The following MBD5 variants were observed in gnomAD, a reference collection of about 807,000 sequenced individuals.
MBD5 encodes the protein methyl-CpG binding domain protein 5, also known as methyl-CpG-binding domain protein 5.
Under a neutral mutation model 117.3 loss-of-function variants are expected in MBD5, and 13 were observed. The ratio of observed to expected loss-of-function variants is 0.11; its 90% CI spans 0.07 to 0.18. The LOEUF (loss-of-function observed/expected upper bound fraction) is 0.18, where lower values mean the gene tolerates loss of function less well. MBD5 is among the 10% of genes least tolerant of loss of function. The pLI is 1.00. For synonymous variants in MBD5, 727 were observed against 766.4 expected (o/e 0.95, Z 0.85); for missense variants, 1,879 against 2,093.8 (o/e 0.90, Z 2.00).
chr2:148,323,342 G>C (rs921528043), intron 3 of MBD5, among the ~76,000 whole-genome samples: 3 of 152,056 alleles, frequency 2.0e-5, no homozygotes, highest in South Asian at 4.2e-4. Context: ...ATGATTTATA[G>C]TCCTTTGGGT....
chr2:148,127,406 G>A (rs1365329675), intron 1 of MBD5, among the ~76,000 whole-genome samples: 1 of 152,036 alleles, frequency 6.6e-6, no homozygotes, highest in Non-Finnish European at 1.5e-5. Context: ...CTCATGACAG[G>A]CCCCAGTATG....
chr2:148,238,813 G>A (rs1475250084), intron 3 of MBD5, among the ~76,000 whole-genome samples: 1 of 152,036 alleles, frequency 6.6e-6, no homozygotes, highest in Non-Finnish European at 1.5e-5. Context: ...CATTCTCCCT[G>A]TGTGTCTGTT....
chr2:148,451,569 A>G (rs541774607), intron 4 of MBD5, among the ~76,000 whole-genome samples: 1 of 152,286 alleles, frequency 6.6e-6, no homozygotes, highest in African/African-American at 2.4e-5. Flanking sequence ...GCCAATAATG[A>G]TGGAAAGATT....
chr2:148,126,391 G>A (rs1289305795), intron 1 of MBD5, among the ~76,000 whole-genome samples: 1 of 124,670 alleles, frequency 8.0e-6, no homozygotes, highest in African/African-American at 3.1e-5. Context: ...GGGTGACAGA[G>A]GGAGACTCCA....
chr2:148,224,944 A>G (rs1289164593), intron 2 of MBD5, among the ~76,000 whole-genome samples: 4 of 151,082 alleles, frequency 2.6e-5, no homozygotes, highest in African/African-American at 9.7e-5. Flanking sequence ...CTTTCACTCT[A>G]TGTTTGTATT....
At chr2:148,421,558 C>T (rs1705607722) in intron 4 of MBD5, among the ~76,000 whole-genome samples, 1 of 151,638 alleles carries the variant, frequency 6.6e-6, no homozygotes, top group South Asian at 2.1e-4. Flanking sequence ...CCCAGTGGCA[C>T]CTGGAAATGC....
intron 4 of MBD5, among the ~76,000 whole-genome samples, chr2:148,406,868 C>T (rs1705094670): frequency 6.6e-6 from 1 of 152,210 alleles, no homozygotes; most frequent in Non-Finnish European, 1.5e-5. Flanking sequence ...TGAAATGCCA[C>T]CCTCTCAGAA....
intron 2 of MBD5, among the ~76,000 whole-genome samples, chr2:148,212,782 T>A (rs1699458322): frequency 6.6e-6 from 1 of 152,168 alleles, no homozygotes; most frequent in Admixed American, 6.5e-5. Flanking sequence ...GCATATTCAT[T>A]TTTTCTAGGT....
intron 4 of MBD5, among the ~76,000 whole-genome samples, chr2:148,384,853 C>A (rs2105470864): frequency 6.6e-6 from 1 of 151,654 alleles, no homozygotes; most frequent in Admixed American, 6.6e-5. Context: ...GAAAAACAAG[C>A]AATGGGGAAA....
chr2:148,096,594 T>C (rs983283207), intron 1 of MBD5, among the ~76,000 whole-genome samples: 1 of 152,154 alleles, frequency 6.6e-6, no homozygotes, highest in Non-Finnish European at 1.5e-5. Context: ...TTGGCTCTGA[T>C]TGTTCTGCGA....
intron 1 of MBD5, among the ~76,000 whole-genome samples, chr2:148,092,633 A>G (rs1173723259): frequency 6.6e-6 from 1 of 152,156 alleles, no homozygotes; most frequent in Admixed American, 6.5e-5. Context: ...CAAATGCATA[A>G]GAATAATATA....
Position 148,142,564 on chromosome 2 carries a change from G to T in MBD5, c.-924-36136G>T, listed in dbSNP as rs143361916. On this transcript the variant is annotated intron_variant, in intron 1 of 13. Coordinates refer to ENST00000642680, the MANE Select transcript of MBD5 (RefSeq NM_001378120.1). ...ATACTTTCCTTGGACTGTTTCTTGG[G>T]AAACAACTGGAGAATGTGATTCAGT... 2.0e-5 allele frequency among the ~76,000 whole-genome samples: 3 copies of T among 152,202 alleles called. No homozygotes were observed. In the East Asian group the frequency reaches 5.8e-4, roughly 29 times the overall value.
chr2:148,380,290 T>G (rs1430563439), intron 4 of MBD5, among the ~76,000 whole-genome samples: 2 of 152,156 alleles, frequency 1.3e-5, no homozygotes, highest in Non-Finnish European at 2.9e-5. Flanking sequence ...TTAATATACA[T>G]TTGTCTGTAT....
At chr2:148,341,366 T>C (rs80077084) in intron 3 of MBD5, among the ~76,000 whole-genome samples, 2,820 of 152,028 alleles carry the variant, frequency 0.019, 93 homozygotes, top group African/African-American at 0.065. Flanking sequence ...CTTTTTGAGA[T>C]TTTTAAGCAT....
intron 4 of MBD5, among the ~76,000 whole-genome samples, chr2:148,342,657 TTA>T: frequency 6.6e-6 from 1 of 151,998 alleles, no homozygotes; most frequent in Non-Finnish European, 1.5e-5. Flanking sequence ...ATATGTGGAT[TTA>T]TATAGTTACA....
At chr2:148,050,657 G>A (rs994786544) in intron 1 of MBD5, among the ~76,000 whole-genome samples, 12 of 152,026 alleles carry the variant, frequency 7.9e-5, no homozygotes, top group Non-Finnish European at 7.4e-5. Context: ...ATATCTTGAA[G>A]AGACTATATC....
At chr2:148,325,840 T>C (rs1702434564) in intron 3 of MBD5, among the ~76,000 whole-genome samples, 1 of 152,210 alleles carries the variant, frequency 6.6e-6, no homozygotes, top group Non-Finnish European at 1.5e-5. Context: ...TTTCCTTCAG[T>C]TCTGCTCTGA....
chr2:148,204,783 C>G (rs111929403), intron 2 of MBD5, among the ~76,000 whole-genome samples: 8 of 152,098 alleles, frequency 5.3e-5, no homozygotes. Flanking sequence ...GTTTTGAACT[C>G]AAGAAATACT....
intron 1 of MBD5, among the ~76,000 whole-genome samples, chr2:148,106,654 C>T (rs1035707463): frequency 3.3e-5 from 5 of 151,442 alleles, no homozygotes; most frequent in Non-Finnish European, 7.4e-5. Context: ...TTGTATTACT[C>T]AGTATTCTTA....
Sources: gnomAD v4.1 joint callset for allele counts (sites outside exome capture counted in the v4.1 genomes callset) on GRCh38, gnomAD v4.1.1 for gene constraint, MANE v1.5 for transcripts, NCBI Gene and HGNC (gene_info 2026-07-23, HGNC 2026-07-21) for gene names.